Variants in PTPRD observed in about 807,000 individuals in gnomAD.
PTPRD encodes protein tyrosine phosphatase receptor type D, also known as receptor-type tyrosine-protein phosphatase delta.
A neutral mutation model predicts 214.5 loss-of-function variants in PTPRD; 34 were observed. The observed-to-expected ratio is 0.16, with a 90% CI of 0.12 to 0.21. The LOEUF (loss-of-function observed/expected upper bound fraction) is 0.21, where lower values mean the gene tolerates loss of function less well. Ranked by LOEUF, PTPRD falls within the 10% of genes least tolerant of loss-of-function variation. The probability of loss-of-function intolerance (pLI) is 1.00; values close to 1 mark genes in which losing one functional copy is unlikely to be tolerated. For synonymous variants in PTPRD, 1,128 were observed against 845.7 expected (o/e 1.33, Z -5.79); for missense variants, 2,545 against 2,398.7 (o/e 1.06, Z -1.27).
At chr9:10,595,909 G>C (rs113495003) in intron 2 of PTPRD, among the ~76,000 whole-genome samples, 2,181 of 151,742 alleles carry the variant, frequency 0.014, 50 homozygotes, top group African/African-American at 0.049. Flanking sequence ...CAAAGACTGC[G>C]ATCTAAAAGA....
chr9:9,356,520 A>G (rs1190137181), intron 9 of PTPRD, among the ~76,000 whole-genome samples: 3 of 151,450 alleles, frequency 2.0e-5, no homozygotes, highest in Non-Finnish European at 4.4e-5. Flanking sequence ...CACCATTTGC[A>G]ATAGATTTTA....
chr9:8,988,138 G>A (rs138428593), intron 11 of PTPRD, among the ~76,000 whole-genome samples: 3 of 152,032 alleles, frequency 2.0e-5, no homozygotes, highest in South Asian at 2.1e-4. Context: ...TTTCAAGGAG[G>A]TAGTTGTAGT....
Position 8,512,372 on chromosome 9 carries a change from G to T in PTPRD, c.1544-4938C>A, listed in dbSNP as rs1038900478. Among the ~76,000 whole-genome samples the T allele has an allele frequency of 2.0e-5, 3 of 151,990 alleles. No homozygotes were observed. In the East Asian group the frequency reaches 5.8e-4, roughly 29 times the overall value. ...TGAGAAAAAGTTAAATTTTATTATA[G>T]TTGTATTTATATCCAGTGCTCCTTT... On this transcript the variant is annotated intron_variant, in intron 21 of 45. Coordinates refer to ENST00000381196, the MANE Select transcript of PTPRD (RefSeq NM_002839.4).
intron 8 of PTPRD, among the ~76,000 whole-genome samples, chr9:9,403,466 C>T (rs1312027764): frequency 6.7e-6 from 1 of 150,240 alleles, no homozygotes; most frequent in Admixed American, 6.7e-5. Context: ...AAGTAAGATG[C>T]ACTCCTTAGA....
At chr9:9,427,396 A>C (rs940036572) in intron 8 of PTPRD, among the ~76,000 whole-genome samples, 1 of 152,224 alleles carries the variant, frequency 6.6e-6, no homozygotes, top group Non-Finnish European at 1.5e-5. Context: ...AAAGCCTCCA[A>C]GAAATATGGG....
At chr9:9,449,224 C>G (rs1169428485) in intron 8 of PTPRD, among the ~76,000 whole-genome samples, 6 of 151,992 alleles carry the variant, frequency 3.9e-5, no homozygotes, top group East Asian at 3.9e-4. Flanking sequence ...AATAACTTAC[C>G]ATTTTGGAAT....
chr9:8,649,431 G>A (rs777990973), intron 12 of PTPRD, among the ~76,000 whole-genome samples: 2 of 152,146 alleles, frequency 1.3e-5, no homozygotes, highest in African/African-American at 2.4e-5. Context: ...TCTATCAACT[G>A]CACACTGGTT....
chr9:9,690,566 C>G (rs2097252188), intron 7 of PTPRD, among the ~76,000 whole-genome samples: 1 of 151,846 alleles, frequency 6.6e-6, no homozygotes, highest in African/African-American at 2.4e-5. Flanking sequence ...TATCCTATAG[C>G]ATTTCCCCAA....
chr9:9,947,455 T>A (rs2092820331), intron 4 of PTPRD, among the ~76,000 whole-genome samples: 4 of 28,848 alleles, frequency 1.4e-4, no homozygotes, highest in African/African-American at 3.0e-4. Flanking sequence ...TTATATATTT[T>A]TATATATACT....
intron 13 of PTPRD, 23 bp from the exon 14 acceptor site, chr9:8,633,481 T>A (rs772849516): frequency 6.2e-7 from 1 of 1,607,798 alleles, no homozygotes; most frequent in South Asian, 1.1e-5. Flanking sequence ...ACAATAGCTG[T>A]CACAGGTGTT....
intron 20 of PTPRD, among the ~76,000 whole-genome samples, chr9:8,518,959 T>C (rs1015460561): frequency 4.6e-5 from 7 of 152,228 alleles, no homozygotes; most frequent in African/African-American, 1.7e-4. Context: ...ATAACTGAAA[T>C]ACCGATAAAC....
chr9:8,886,037 T>G (rs1232181433), intron 11 of PTPRD, among the ~76,000 whole-genome samples: 1 of 152,172 alleles, frequency 6.6e-6, no homozygotes, highest in African/African-American at 2.4e-5. Flanking sequence ...TGGTTTTTAG[T>G]AATTTGGTTA....
chr9:8,386,108 G>A (rs896309953), intron 37 of PTPRD, among the ~76,000 whole-genome samples: 2 of 152,136 alleles, frequency 1.3e-5, no homozygotes, highest in Non-Finnish European at 2.9e-5. Flanking sequence ...CTTTATCTCA[G>A]TCAATACCCA....
intron 9 of PTPRD, among the ~76,000 whole-genome samples, chr9:9,252,344 G>T (rs1054504966): frequency 3.3e-5 from 5 of 151,992 alleles, no homozygotes; most frequent in African/African-American, 4.8e-5. Flanking sequence ...ATTATCAATG[G>T]GTAAGGCATG....
At chr9:9,006,413 G>A (rs1047737756) in intron 11 of PTPRD, among the ~76,000 whole-genome samples, 1 of 151,926 alleles carries the variant, frequency 6.6e-6, no homozygotes. Context: ...AATAGACAAG[G>A]CACAAATCAT....
intron 4 of PTPRD, among the ~76,000 whole-genome samples, chr9:9,967,447 G>A (rs892890471): frequency 1.3e-5 from 2 of 152,144 alleles, no homozygotes; most frequent in Admixed American, 6.6e-5. Flanking sequence ...GGATAGTGCA[G>A]AATCATTGGT....
At chr9:9,160,957 G>T (rs772326479) in intron 10 of PTPRD, among the ~76,000 whole-genome samples, 1 of 152,042 alleles carries the variant, frequency 6.6e-6, no homozygotes, top group Admixed American at 6.6e-5. Context: ...TCTCACTTAC[G>T]TTACTTATAT....
chr9:9,208,019 G>GTTTTTTTTTTTTTTTTTTTTTTTTTT (rs1569562243), intron 9 of PTPRD, among the ~76,000 whole-genome samples: 1 of 26,038 alleles, frequency 3.8e-5, no homozygotes, highest in Non-Finnish European at 8.9e-5. Flanking sequence ...ATATATATCT[G>GTTTTTTTTTTTTTTTTTTTTTTTTTT]CTTTTTTTTT....
intron 34 of PTPRD, among the ~76,000 whole-genome samples, chr9:8,445,864 C>A (rs7855100): frequency 0.51 from 76,755 of 151,952 alleles, 20,827 homozygotes; most frequent in East Asian, 0.79. Flanking sequence ...TTTGTTGCCA[C>A]TAACGAACTA....
Sources: allele counts gnomAD v4.1 joint callset (sites outside exome capture counted in the v4.1 genomes callset), GRCh38; gene constraint gnomAD v4.1.1; transcripts MANE v1.5; gene names NCBI Gene and HGNC (gene_info 2026-07-23, HGNC 2026-07-21).